PDE10A: variants seen among roughly 807,000 people sequenced by gnomAD.
PDE10A encodes cAMP and cAMP-inhibited cGMP 3',5'-cyclic phosphodiesterase 10A.
A neutral mutation model predicts 97.7 loss-of-function variants in PDE10A; 39 were observed. That is an observed-to-expected ratio of 0.40 (90% confidence interval 0.31 to 0.52). PDE10A has a LOEUF of 0.52. Ranked by LOEUF, PDE10A falls within the 20% of genes least tolerant of loss-of-function variation. The pLI is 0.56. For missense variants in PDE10A, 731 were observed against 1,047.8 expected, an observed-to-expected ratio of 0.70 and a Z score of 4.17; for synonymous variants, 371 against 376.8, an observed-to-expected ratio of 0.98 and a Z score of 0.18.
chr6:165,762,730 T>G (rs1367518556), intron 1 of PDE10A, among the ~76,000 whole-genome samples: 1 of 152,186 alleles, frequency 6.6e-6, no homozygotes, highest in Non-Finnish European at 1.5e-5. Flanking sequence ...TGGTAAAATC[T>G]TTATTGCTAA....
At chr6:165,502,607 T>C (rs1407183104) in intron 2 of PDE10A, among the ~76,000 whole-genome samples, 1 of 152,214 alleles carries the variant, frequency 6.6e-6, no homozygotes, top group African/African-American at 2.4e-5. Flanking sequence ...GAAGCAATGG[T>C]ATTTTATAGT....
At chr6:165,582,213 T>C (rs1411020172) in intron 1 of PDE10A, among the ~76,000 whole-genome samples, 1 of 152,170 alleles carries the variant, frequency 6.6e-6, no homozygotes, top group Non-Finnish European at 1.5e-5. Context: ...GTGCTAATAT[T>C]TGAAGGCAGA....
intron 2 of PDE10A, among the ~76,000 whole-genome samples, chr6:165,505,912 C>A (rs112013358): frequency 0.032 from 4,806 of 152,100 alleles, 119 homozygotes; most frequent in African/African-American, 0.059. Flanking sequence ...TTCAAATATT[C>A]TAAAAGTAAC....
At chr6:165,887,523 T>G (rs1225702597) in intron 1 of PDE10A, among the ~76,000 whole-genome samples, 1 of 146,300 alleles carries the variant, frequency 6.8e-6, no homozygotes, top group Non-Finnish European at 1.5e-5. Context: ...TGAGCCAGGT[T>G]CTTCACAGGG....
chr6:165,606,153 GAA>G (rs71029555), intron 1 of PDE10A, among the ~76,000 whole-genome samples: 1,217 of 113,266 alleles, frequency 0.011, 12 homozygotes, highest in African/African-American at 0.038. Flanking sequence ...ACGAACAAGC[GAA>G]AAAAAAAAAA....
intron 1 of PDE10A, among the ~76,000 whole-genome samples, chr6:165,606,823 G>A (rs1787233977): frequency 6.6e-6 from 1 of 152,100 alleles, no homozygotes; most frequent in South Asian, 2.1e-4. Flanking sequence ...AGTGCGTGCA[G>A]GGGCTTAGGT....
At chr6:165,825,164 A>C (rs988924999) in intron 1 of PDE10A, among the ~76,000 whole-genome samples, 1 of 56,512 alleles carries the variant, frequency 1.8e-5, no homozygotes, top group Admixed American at 2.4e-4. Context: ...AAAAAAAAAG[A>C]AAAAGAAAAA....
chr6:165,897,293 G>T (rs1251198447), intron 1 of PDE10A, among the ~76,000 whole-genome samples: 3 of 152,180 alleles, frequency 2.0e-5, no homozygotes, highest in Non-Finnish European at 4.4e-5. Context: ...GGAGGCCCTT[G>T]TGTGTAGACT....
chr6:165,760,203 C>T (rs1392539631), intron 1 of PDE10A, among the ~76,000 whole-genome samples: 1 of 152,106 alleles, frequency 6.6e-6, no homozygotes, highest in Non-Finnish European at 1.5e-5. Context: ...AGTACACTAC[C>T]ACGAAGGTTT....
chr6:165,383,403 C>T (rs1785054329), intron 17 of PDE10A, among the ~76,000 whole-genome samples: 1 of 152,124 alleles, frequency 6.6e-6, no homozygotes, highest in South Asian at 2.1e-4. Flanking sequence ...GGCAAGAAAA[C>T]AAAGCTCACC....
intron 10 of PDE10A, among the ~76,000 whole-genome samples, chr6:165,426,924 T>C (rs1047676504): frequency 2.0e-5 from 3 of 152,096 alleles, no homozygotes; most frequent in African/African-American, 7.2e-5. Context: ...CACACTGAGA[T>C]AGCACTTTAC....
intron 2 of PDE10A, among the ~76,000 whole-genome samples, chr6:165,514,778 G>A (rs974383898): frequency 1.3e-5 from 2 of 152,236 alleles, no homozygotes; most frequent in Non-Finnish European, 2.9e-5. Flanking sequence ...ACCGGAAGTA[G>A]CTCCAGGCCA....
chr6:165,342,924 C>T (rs963947837), intron 19 of PDE10A, among the ~76,000 whole-genome samples: 13 of 152,204 alleles, frequency 8.5e-5, no homozygotes, highest in African/African-American at 3.1e-4. Flanking sequence ...TTCTGCAGAA[C>T]ACATAATTTG....
In PDE10A at chr6:165,354,299, G is replaced by A. The variant is rs1436448142; in HGVS notation, c.2784-10797C>T. On this transcript the variant is annotated intron_variant, in intron 18 of 21. Transcript: ENST00000539869. ...GAGAAGTATCCTTTTTGAATAGTAT[G>A]GAGAAAACTCATCAGCCATCCTGAA... 2.0e-5 allele frequency among the ~76,000 whole-genome samples: 3 copies of A among 152,102 alleles called. No individual in the cohort carries two copies. In the South Asian group the frequency reaches 6.2e-4, roughly 32 times the overall value.
At chr6:165,753,915 A>G (rs1793060966) in intron 1 of PDE10A, among the ~76,000 whole-genome samples, 1 of 152,226 alleles carries the variant, frequency 6.6e-6, no homozygotes, top group South Asian at 2.1e-4. Context: ...AACATGTCAA[A>G]CTAGTAAGAG....
intron 2 of PDE10A, among the ~76,000 whole-genome samples, chr6:165,538,537 CTTATT>C (rs1783235518): frequency 6.6e-6 from 1 of 152,210 alleles, no homozygotes; most frequent in Non-Finnish European, 1.5e-5. Context: ...AATTAATCCA[CTTATT>C]TTAAATATTA....
intron 1 of PDE10A, among the ~76,000 whole-genome samples, chr6:165,891,931 A>G (rs1019278731): frequency 1.4e-5 from 2 of 141,772 alleles, no homozygotes; most frequent in Non-Finnish European, 3.0e-5. Flanking sequence ...TTGCCCTTGT[A>G]TGGAGAAAAC....
At chr6:165,855,286 T>C (rs1245801696) in intron 1 of PDE10A, among the ~76,000 whole-genome samples, 1 of 110,280 alleles carries the variant, frequency 9.1e-6, no homozygotes, top group African/African-American at 3.6e-5. Flanking sequence ...AGGGGACTCA[T>C]AGGCGGCGCG....
At chr6:165,944,585 T>C (rs1490852101) in intron 1 of PDE10A, among the ~76,000 whole-genome samples, 1 of 152,268 alleles carries the variant, frequency 6.6e-6, no homozygotes, top group Non-Finnish European at 1.5e-5. Context: ...TCCTCATCTT[T>C]TATTATTTGT....
Sources: allele counts gnomAD v4.1 joint callset (sites outside exome capture counted in the v4.1 genomes callset), GRCh38; gene constraint gnomAD v4.1.1; transcripts MANE v1.5; gene names NCBI Gene and HGNC (gene_info 2026-07-23, HGNC 2026-07-21).